Variants in BCL10 observed in about 807,000 individuals in gnomAD.
The protein encoded by BCL10 is BCL10 immune signaling adaptor.
BCL10 carries 5 observed loss-of-function variants against 19.2 expected under a neutral mutation model. The observed-to-expected ratio is 0.26, with a 90% CI of 0.14 to 0.55. The LOEUF (loss-of-function observed/expected upper bound fraction) is 0.55. Among genes scored for constraint, BCL10 ranks in the 20% least tolerant of loss-of-function variants. BCL10 has a pLI of 0.94. For synonymous variants in BCL10, 110 were observed against 98.8 expected, an observed-to-expected ratio of 1.11 and a Z score of -0.67; for missense variants, 201 against 271.9, an observed-to-expected ratio of 0.74 and a Z score of 1.83.
chr1:85,268,243 C>T (rs570130505), intron 2 of BCL10, among the ~76,000 whole-genome samples: 7 of 152,252 alleles, frequency 4.6e-5, no homozygotes, highest in African/African-American at 1.4e-4. Context: ...ATTTAAGGTA[C>T]AGCGTACATA....
chr1:85,268,088 A>G, intron 2 of BCL10, 106 bp from the exon 3 acceptor site: 1 of 683,820 alleles, frequency 1.5e-6, no homozygotes, highest in Non-Finnish European at 2.3e-6. Flanking sequence ...CCCACAATCA[A>G]AATTTAAATA....
At chr1:85,274,112 T>C (rs1334986957) in intron 1 of BCL10, among the ~76,000 whole-genome samples, 1 of 152,214 alleles carries the variant, frequency 6.6e-6, no homozygotes, top group Non-Finnish European at 1.5e-5. Flanking sequence ...CTCCTGACCA[T>C]CCTATCTCAA....
intron 1 of BCL10, among the ~76,000 whole-genome samples, chr1:85,273,070 T>A (rs1239688637): frequency 6.6e-6 from 1 of 152,184 alleles, no homozygotes; most frequent in Non-Finnish European, 1.5e-5. Context: ...TCAGTGGTCA[T>A]CTTCTTTGGA....
rs202176791 is a variant in BCL10, at chr1:85,267,621, A to G, written c.*6T>C. 2,279 of 1,556,378 alleles carry G rather than the reference A, an allele frequency of 1.5e-3. 4 individuals carry two copies. Among genetic ancestry groups the G allele is most frequent in the Non-Finnish European group, 1.5e-3 (1,691 of 1,153,332 alleles). On this transcript the variant is annotated 3_prime_UTR_variant, in exon 3 of 3. Coordinates refer to ENST00000648566, the MANE Select transcript of BCL10 (RefSeq NM_003921.5). ...TCATCATTAAAAATTAAAAGGCAATAAAGTGTCATTGTCGTGAAACAGTAC... is the reference window on the plus strand; with the variant it reads ...TCATCATTAAAAATTAAAAGGCAATGAAGTGTCATTGTCGTGAAACAGTAC...
At chr1:85,275,310 T>C (rs1458123250) in intron 1 of BCL10, among the ~76,000 whole-genome samples, 2 of 152,222 alleles carry the variant, frequency 1.3e-5, no homozygotes, top group Non-Finnish European at 2.9e-5. Flanking sequence ...GCTCCATAAA[T>C]CTCTGTTGAA....
intron 1 of BCL10, among the ~76,000 whole-genome samples, chr1:85,271,843 C>T (rs1284327394): frequency 6.6e-6 from 1 of 152,166 alleles, no homozygotes; most frequent in Non-Finnish European, 1.5e-5. Context: ...TGAAGGGTTC[C>T]TGTGGTTCTT....
At position 85,276,339 on chromosome 1, in the gene BCL10, G is replaced by A; in HGVS notation, c.14C>T (p.Ala5Val). 1.2e-6 allele frequency: 2 copies of A among 1,613,638 alleles called. No homozygotes were observed. The highest frequency in any genetic ancestry group is 8.5e-7 in the Non-Finnish European group (1 of 1,179,670). The change falls in exon 1 of 3, where the codon GCA (alanine) becomes GTA (valine). Residue 5 changes from alanine to valine, a missense_variant. Ala to Val is a moderately conservative substitution (Grantham distance 64). Around this residue, in one of 3 missense-constraint regions of BCL10, gnomAD observed 24 missense variants for 16.6 expected, o/e 1.45. Coordinates refer to ENST00000648566, the MANE Select transcript of BCL10 (RefSeq NM_003921.5). ...GAGGTCCTCCTCGGTGAGGGACGGT[G>A]CGGTGGGCTCCATGGTGGAGGCGGG... MEPT[A>V]PSLTEEDLTE... is the part of the protein sequence containing the mutation.
chr1:85,274,535 G>A (rs145439874), intron 1 of BCL10, among the ~76,000 whole-genome samples: 286 of 152,274 alleles, frequency 1.9e-3, no homozygotes, highest in African/African-American at 6.5e-3. Context: ...AGACACTAAA[G>A]AAGTGGGAGG....
intron 2 of BCL10, among the ~76,000 whole-genome samples, chr1:85,269,855 C>T (rs1660321530): frequency 6.6e-6 from 1 of 152,170 alleles, no homozygotes; most frequent in Admixed American, 6.5e-5. Context: ...AATCTGTTTC[C>T]ATGCTTTCAC....
In BCL10 at chr1:85,275,328, A is replaced by G. The variant is rs577566534; in HGVS notation, c.57+968T>C. On this transcript the variant is annotated intron_variant, in intron 1 of 2. Transcript: ENST00000648566. ...CCATAAATCTCTGTTGAATGAGGAA[A>G]CTAAGCACAACTCCCAGTCATATCC... Among the ~76,000 whole-genome samples, 3 of 152,358 alleles carry G rather than the reference A, an allele frequency of 2.0e-5. No individual in the cohort carries two copies. In the East Asian group the frequency reaches 5.8e-4, roughly 29 times the overall value.
Position 85,267,514 on chromosome 1 carries a change from G to T in BCL10, c.*113C>A. The stretch of plus-strand genomic sequence containing the variant: ...CCTATTTACAAAGTATGCTTACATT[G>T]CATTTTAAAAGACATGCATCAAATG... On this transcript the variant is annotated 3_prime_UTR_variant, in exon 3 of 3. Transcript: ENST00000648566. 2.3e-6 allele frequency: 2 copies of T among 854,572 alleles called. No homozygotes were observed. The highest frequency in any genetic ancestry group is 3.5e-6 in the Non-Finnish European group (2 of 567,974). The allele number at this position is 854,572 out of a possible 1,614,324, so 52.9% of individuals were successfully genotyped here.
intron 1 of BCL10, among the ~76,000 whole-genome samples, chr1:85,271,889 A>G (rs568871303): frequency 1.3e-4 from 20 of 152,330 alleles, no homozygotes; most frequent in African/African-American, 4.3e-4. Flanking sequence ...GTTTATTCAC[A>G]TGACAAGTAT....
intron 1 of BCL10, among the ~76,000 whole-genome samples, chr1:85,272,353 T>C (rs767673739): frequency 6.6e-6 from 1 of 152,024 alleles, no homozygotes; most frequent in Non-Finnish European, 1.5e-5. Context: ...TCTTAGCCTC[T>C]TGAGTAGCTA....
Position 85,276,590 on chromosome 1 carries a change from G to C in BCL10, c.-238C>G, listed in dbSNP as rs1377735346. ...ATCTACGCGACGCGACGCGGAGCTC[G>C]GAGCAGCGTTCCTTCCCTCTCGTAG... On this transcript the variant is annotated 5_prime_UTR_variant, in exon 1 of 3. Transcript: ENST00000648566. The C allele has an allele frequency of 1.0e-5, 6 of 591,450 alleles. No homozygotes were observed. Among genetic ancestry groups the C allele is most frequent in the Non-Finnish European group, 1.8e-5 (6 of 332,352 alleles). 36.6% of individuals were successfully genotyped at this position (591,450 alleles called of 1,614,324 possible). A position where few individuals can be genotyped will look rare whatever the true frequency, so the allele number is the denominator to read the frequency against.
rs933277803 is a variant in BCL10, at chr1:85,266,210, T to A, written c.*1417A>T. 5.3e-6 allele frequency: 1 copy of A among 187,706 alleles called. No homozygotes were observed. Among genetic ancestry groups the A allele is most frequent in the Non-Finnish European group, 1.1e-5 (1 of 89,002 alleles). The allele number at this position is 187,706 out of a possible 1,614,324, so 11.6% of individuals were successfully genotyped here. ...ACGTATTAAAAAAAGTTTTAGATAC[T>A]TCCTACTGAAAATTTGGAACTCCAA... On this transcript the variant is annotated 3_prime_UTR_variant, in exon 3 of 3. Transcript: ENST00000648566.
In BCL10 at chr1:85,276,563, GA is replaced by G. The variant is rs1660542316; in HGVS notation, c.-212del. 6.6e-6 allele frequency: 4 copies of G among 602,500 alleles called. No homozygotes were observed. The highest frequency in any genetic ancestry group is 5.9e-5 in the Admixed American group (2 of 33,662). The allele number at this position is 602,500 out of a possible 1,614,324, so 37.3% of individuals were successfully genotyped here. A position where few individuals can be genotyped will look rare whatever the true frequency, so the allele number is the denominator to read the frequency against. On this transcript the variant is annotated 5_prime_UTR_variant, in exon 1 of 3. Coordinates refer to ENST00000648566, the MANE Select transcript of BCL10 (RefSeq NM_003921.5). ...CCGCCTCTGAGGTCGACGGCGACGC[GA>G]ATCTACGCGACGCGACGCGGAGCTC...
intron 2 of BCL10, among the ~76,000 whole-genome samples, chr1:85,269,040 G>A (rs1421523137): frequency 6.6e-6 from 1 of 152,228 alleles, no homozygotes; most frequent in Non-Finnish European, 1.5e-5. Flanking sequence ...TGAGGGCTCT[G>A]CCCTGGACTA....
chr1:85,276,052 C>T (rs988332493), intron 1 of BCL10, among the ~76,000 whole-genome samples: 5 of 152,236 alleles, frequency 3.3e-5, no homozygotes, highest in African/African-American at 1.2e-4. Context: ...AATCAAAACA[C>T]CACTTGGCAA....
At chr1:85,269,563 C>A (rs1263883706) in intron 2 of BCL10, among the ~76,000 whole-genome samples, 3 of 152,194 alleles carry the variant, frequency 2.0e-5, no homozygotes, top group African/African-American at 7.2e-5. Flanking sequence ...AGATATGGCT[C>A]AAAAGGGAAA....
Sources: allele counts gnomAD v4.1 joint callset (sites outside exome capture counted in the v4.1 genomes callset), GRCh38; gene constraint gnomAD v4.1.1; regional missense constraint gnomAD v4.1.1; transcripts MANE v1.5; gene names NCBI Gene and HGNC (gene_info 2026-07-23, HGNC 2026-07-21).